Variants in NUP160 observed in about 807,000 individuals in gnomAD.
NUP160 encodes the protein nuclear pore complex protein Nup160.
A neutral mutation model predicts 196.9 loss-of-function variants in NUP160; 94 were observed. The ratio of observed to expected loss-of-function variants is 0.48; its 90% CI spans 0.40 to 0.57. NUP160 has a LOEUF of 0.57. NUP160 is among the 20% of genes least tolerant of loss of function. The probability of loss-of-function intolerance (pLI) is 0.00; values close to 1 mark genes in which losing one functional copy is unlikely to be tolerated. For synonymous variants in NUP160, 605 were observed against 619.7 expected (o/e 0.98, Z 0.35); for missense variants, 1,638 against 1,748.3 (o/e 0.94, Z 1.13).
At chr11:47,808,669 G>A (rs1012222201) in intron 17 of NUP160, 140 bp from the exon 18 acceptor site, 15 of 529,726 alleles carry the variant, frequency 2.8e-5, no homozygotes, top group South Asian at 5.8e-5. Flanking sequence ...TACATTTTAC[G>A]GTAGCAAGTG....
intron 2 of NUP160, among the ~76,000 whole-genome samples, chr11:47,843,935 C>A (rs1386761342): frequency 6.6e-6 from 1 of 152,188 alleles, no homozygotes; most frequent in Admixed American, 6.5e-5. Context: ...TTACACCTGT[C>A]CAAAACAGAA....
exon 16 of NUP160, chr11:47,812,313 C>A: frequency 6.2e-7 from 1 of 1,613,890 alleles, no homozygotes. Context: ...TGGATTGAAT[C>A]CCTTTTCCAT....
intron 12 of NUP160, 113 bp downstream of exon 12, chr11:47,815,833 T>C (rs1323840311): frequency 1.0e-6 from 1 of 990,728 alleles, no homozygotes; most frequent in Admixed American, 2.4e-5. Flanking sequence ...TAAACATTTA[T>C]ATGTTCCAAC....
intron 5 of NUP160, 34 bp downstream of exon 5, chr11:47,837,510 TG>T: frequency 6.5e-7 from 1 of 1,542,990 alleles, no homozygotes; most frequent in Non-Finnish European, 9.0e-7. Flanking sequence ...ATTAAATTCT[TG>T]GGCCCTTTGA....
At chr11:47,818,857 G>C (rs986416519) in intron 10 of NUP160, among the ~76,000 whole-genome samples, 1 of 152,120 alleles carries the variant, frequency 6.6e-6, no homozygotes, top group Non-Finnish European at 1.5e-5. Flanking sequence ...AAACTCTTGG[G>C]ATTAAGAGTG....
intron 17 of NUP160, among the ~76,000 whole-genome samples, chr11:47,809,256 C>CG (rs138317166): frequency 2.1e-5 from 2 of 94,774 alleles, no homozygotes; most frequent in Non-Finnish European, 3.8e-5. Context: ...GAACTTGTCT[C>CG]AAAAAAAAAA....
chr11:47,829,558 T>C (rs1271568535), intron 7 of NUP160, among the ~76,000 whole-genome samples: 1 of 152,176 alleles, frequency 6.6e-6, no homozygotes, highest in Non-Finnish European at 1.5e-5. Flanking sequence ...CTACCCACCT[T>C]GGCCTCCCAA....
Position 47,818,142 on chromosome 11 carries a change from CA to C in NUP160, c.1363-19del. The C allele has an allele frequency of 6.4e-7, 1 of 1,552,278 alleles. No homozygotes were observed. Among genetic ancestry groups the C allele is most frequent in the African/African-American group, 1.4e-5 (1 of 73,546 alleles). ...TACATCTCCTATTAGAACATTAAAACAAAAGTTACTATTGTCCTAAACAAAA... is the reference window on the plus strand; with the variant it reads ...TACATCTCCTATTAGAACATTAAAACAAAGTTACTATTGTCCTAAACAAAA... On this transcript the variant is annotated intron_variant, in intron 10 of 35. Coordinates refer to ENST00000378460, the Ensembl canonical transcript of NUP160.
At chr11:47,799,945 C>T (rs2097673172) in intron 23 of NUP160, among the ~76,000 whole-genome samples, 1 of 152,120 alleles carries the variant, frequency 6.6e-6, no homozygotes, top group South Asian at 2.1e-4. Context: ...ACCTACTGTG[C>T]TGCCAGTCAT....
chr11:47,812,125 C>T (rs371435761), exon 17 of NUP160: 4 of 1,613,982 alleles, frequency 2.5e-6, no homozygotes, highest in African/African-American at 2.7e-5. Context: ...GATCAGGAAA[C>T]GAGTACTGGC....
Position 47,780,406 on chromosome 11 carries a change from G to C in NUP160, c.4158C>G (p.Tyr1386Ter), listed in dbSNP as rs149674516. 1 of 1,613,684 alleles carries C rather than the reference G, an allele frequency of 6.2e-7. No individual in the cohort carries two copies. The highest frequency in any genetic ancestry group is 8.5e-7 in the Non-Finnish European group (1 of 1,179,754). ...CTTGGAGAAGCTGATCAATAGAGGA[G>C]TATGGAAGCCACACCATTGGGGCTG... Residue 1386 changes from tyrosine to a stop codon, truncating the protein, a stop_gained, in exon 35 of 36, where the codon TAC becomes TAG. Coordinates refer to ENST00000378460, the Ensembl canonical transcript of NUP160. LOFTEE classifies it high-confidence loss of function.
exon 1 of NUP160, chr11:47,848,408 A>G (rs1013395781): frequency 1.3e-6 from 2 of 1,583,352 alleles, no homozygotes; most frequent in African/African-American, 1.3e-5. Flanking sequence ...GGAGCTGCGG[A>G]CAGGTGAAGC....
At chr11:47,782,289 TAAAAAAA>T (rs1164772188) in intron 34 of NUP160, among the ~76,000 whole-genome samples, 1,400 of 31,426 alleles carry the variant, frequency 0.045, 37 homozygotes, top group Non-Finnish European at 0.052. Context: ...AAAACTCAGT[TAAAAAAA>T]AAAAAAAATA....
chr11:47,838,866 T>C (rs1457630526), intron 4 of NUP160, among the ~76,000 whole-genome samples: 3 of 151,860 alleles, frequency 2.0e-5, no homozygotes, highest in African/African-American at 7.2e-5. Context: ...TAGCTGGGTA[T>C]GGTGGCAAAT....
chr11:47,817,342 CTTTTTT>C (rs904451058), intron 11 of NUP160, among the ~76,000 whole-genome samples: 1 of 132,442 alleles, frequency 7.6e-6, no homozygotes, highest in Non-Finnish European at 1.6e-5. Flanking sequence ...AAGCCAAAAA[CTTTTTT>C]TTTTTTTTTT....
intron 2 of NUP160, among the ~76,000 whole-genome samples, chr11:47,843,085 C>T (rs1479777022): frequency 6.6e-6 from 1 of 152,186 alleles, no homozygotes; most frequent in Non-Finnish European, 1.5e-5. Context: ...TGATTGCTCT[C>T]AACTGCATCT....
intron 34 of NUP160, among the ~76,000 whole-genome samples, chr11:47,782,045 C>T (rs1349092382): frequency 1.3e-5 from 2 of 151,848 alleles, no homozygotes; most frequent in Non-Finnish European, 2.9e-5. Context: ...CTTTGGGAGG[C>T]CGAGGTGGGT....
At chr11:47,788,371 T>C in intron 30 of NUP160, 66 bp from the exon 31 acceptor site, 1 of 1,601,660 alleles carries the variant, frequency 6.2e-7, no homozygotes, top group East Asian at 2.2e-5. Context: ...AAAGATTTTG[T>C]TTTGTTGATG....
chr11:47,816,660 C>T (rs927040692), intron 11 of NUP160, among the ~76,000 whole-genome samples: 1 of 152,078 alleles, frequency 6.6e-6, no homozygotes, highest in Non-Finnish European at 1.5e-5. Context: ...TCTGTAGTCC[C>T]AGCTACTTGG....
Sources: allele counts gnomAD v4.1 joint callset (sites outside exome capture counted in the v4.1 genomes callset), GRCh38; gene constraint gnomAD v4.1.1; transcripts MANE v1.5; gene names NCBI Gene and HGNC (gene_info 2026-07-23, HGNC 2026-07-21).